Variants in IGSF10 observed in about 807,000 individuals in gnomAD.
IGSF10 encodes the protein calvaria mechanical force protein 608.
Under a neutral mutation model 128.2 loss-of-function variants are expected in IGSF10, and 126 were observed. The ratio of observed to expected loss-of-function variants is 0.98; its 90% confidence interval spans 0.85 to 1.14. The LOEUF (loss-of-function observed/expected upper bound fraction) is 1.14. Among genes scored for constraint, IGSF10 ranks in the 50% most tolerant of loss-of-function variants. IGSF10 has a pLI of 0.00. For missense variants in IGSF10, 3,295 were observed against 3,149.8 expected, an observed-to-expected ratio of 1.05 and a Z score of -1.10; for synonymous variants, 1,185 against 1,146.2, an observed-to-expected ratio of 1.03 and a Z score of -0.68.
the IGSF10 span, among the ~76,000 whole-genome samples, chr3:151,544,172 G>A: frequency 1.2e-4 from 19 of 152,150 alleles, no homozygotes; most frequent in Non-Finnish European, 2.4e-4. Context: ...GCCTCCCAAA[G>A]TGCTGGGATT....
chr3:151,525,353 C>A, the IGSF10 span, among the ~76,000 whole-genome samples: 1 of 152,086 alleles, frequency 6.6e-6, no homozygotes, highest in Non-Finnish European at 1.5e-5. Context: ...ATTCAGGTAG[C>A]CACAAAAAAT....
At chr3:151,480,735 C>T in the IGSF10 span, among the ~76,000 whole-genome samples, 1 of 152,048 alleles carries the variant, frequency 6.6e-6, no homozygotes, top group East Asian at 1.9e-4. Flanking sequence ...CAAGCTCCTG[C>T]AGAGCCACCC....
At chr3:151,501,418 A>G in the IGSF10 span, among the ~76,000 whole-genome samples, 1 of 150,020 alleles carries the variant, frequency 6.7e-6, no homozygotes, top group Non-Finnish European at 1.5e-5. Flanking sequence ...AAAGGACAAT[A>G]TATTGAAAAT....
rs147128845 is a variant in IGSF10 at position 151,443,094 on chromosome 3, A to T, written c.5853T>A (p.Thr1951=). The T allele has an allele frequency of 3.7e-6, 6 of 1,614,108 alleles. No homozygotes were observed. The African/African-American group carries it at 6.7e-5, about 18-fold the overall frequency. Residue 1951 remains threonine, a synonymous_variant, in exon 7 of 8, where the codon ACT becomes ACA. Coordinates refer to ENST00000282466, the MANE Select transcript of IGSF10 (RefSeq NM_178822.5). ...PRIEAASQKR[T]EVNFGDKLLL... ...GTAATTTGTCCCCAAAATTCACTTC[A>T]GTCCTTTTCTGGGATGCAGCTTCTA...
the IGSF10 span, among the ~76,000 whole-genome samples, chr3:151,567,110 C>A: frequency 6.6e-6 from 1 of 152,132 alleles, no homozygotes; most frequent in Admixed American, 6.5e-5. Flanking sequence ...GACTTGGGCC[C>A]TGGGCATTTT....
rs771272861 is a variant in IGSF10 at position 151,437,094 on chromosome 3, G to T, written c.7467C>A (p.Gly2489=). 1 of 1,614,138 alleles carries T rather than the reference G, an allele frequency of 6.2e-7. No homozygotes were observed. Among genetic ancestry groups the T allele is most frequent in the East Asian group, 2.2e-5 (1 of 44,896 alleles). ...INGKYILHDN[G]TLVIKEATAY... The stretch of plus-strand genomic sequence containing the variant: ...CTGTTGCTTCTTTAATGACTAAGGT[G>T]CCATTGTCATGCAATATGTATTTCC... The change falls in exon 8 of 8, where the codon GGC becomes GGA. Residue 2489 remains glycine, a synonymous_variant. Transcript: ENST00000282466.
the IGSF10 span, among the ~76,000 whole-genome samples, chr3:151,525,636 T>C: frequency 1.3e-5 from 2 of 152,196 alleles, no homozygotes; most frequent in African/African-American, 2.4e-5. Flanking sequence ...ATTCAGTTCC[T>C]TGTGACTGTA....
At chr3:151,444,876 G>T in intron 6 of IGSF10, 43 bp downstream of exon 6, 1 of 1,506,164 alleles carries the variant, frequency 6.6e-7, no homozygotes, top group Non-Finnish European at 8.9e-7. Context: ...TCTTCTTCTT[G>T]TTTTCTAACA....
Position 151,446,121 on chromosome 3 carries a change from T to A in IGSF10, c.3860A>T (p.Lys1287Met). Residue 1287 changes from lysine to methionine, a missense_variant, in exon 6 of 8, where the codon AAG becomes ATG. By Grantham distance (95) the Lys-to-Met change is moderately conservative. Transcript: ENST00000282466. Reference sequence around the variant, plus strand: ...GTTAAGGGGTGGGAAGGGAAGCTCCTTCTTTGTTGGAAGACTTCCAGGATT... The same window carrying A: ...GTTAAGGGGTGGGAAGGGAAGCTCCATCTTTGTTGGAAGACTTCCAGGATT... ...THNPGSLPTK[K>M]ELPFPPLNPM... 6.2e-7 allele frequency: 1 copy of A among 1,614,164 alleles called. No individual in the cohort carries two copies. Among genetic ancestry groups the A allele is most frequent in the Non-Finnish European group, 8.5e-7 (1 of 1,180,026 alleles).
chr3:151,565,588 G>T, the IGSF10 span, among the ~76,000 whole-genome samples: 1 of 151,978 alleles, frequency 6.6e-6, no homozygotes, highest in African/African-American at 2.4e-5. Context: ...CTGTTCCAGG[G>T]GTTCAAAACT....
upstream of IGSF10, among the ~76,000 whole-genome samples, chr3:151,463,523 GTTTTTTTTTTTTTTTTTTT>G (rs745415781): frequency 1.3e-4 from 4 of 31,272 alleles, no homozygotes; most frequent in East Asian, 6.4e-4. Context: ...ACATTTTCTG[GTTTTTTTTTTTTTTTTTTT>G]TTTTTTTTTT....
At chr3:151,501,355 T>A in the IGSF10 span, among the ~76,000 whole-genome samples, 1 of 152,058 alleles carries the variant, frequency 6.6e-6, no homozygotes, top group East Asian at 1.9e-4. Context: ...TCTCTGAATC[T>A]TTTTTATATG....
chr3:151,484,017 A>AC, the IGSF10 span, among the ~76,000 whole-genome samples: 1 of 152,124 alleles, frequency 6.6e-6, no homozygotes, highest in Non-Finnish European at 1.5e-5. Flanking sequence ...AGCGGGTCCC[A>AC]CCTCCACGGA....
Position 151,448,150 on chromosome 3 carries a change from C to A in IGSF10, c.1831G>T (p.Gly611Ter). 6.2e-7 allele frequency: 1 copy of A among 1,614,124 alleles called. No homozygotes were observed. The highest frequency in any genetic ancestry group is 8.5e-7 in the Non-Finnish European group (1 of 1,180,012). The change falls in exon 6 of 8, where the codon GGA (glycine) becomes TGA (stop). Residue 611 changes from glycine (G) to a stop codon, truncating the protein, a stop_gained. Transcript: ENST00000282466. LOFTEE classifies it high-confidence loss of function. ...GATGACTGATAGAGCACATTGTTTC[C>A]TGGAATAACCCAGCTAATAGAGGCA... ...PDASISWVIPGNNVLYQSSRD... is the reference protein window; with the variant it reads ...PDASISWVIP
chr3:151,572,808 T>C, the IGSF10 span, among the ~76,000 whole-genome samples: 1 of 152,224 alleles, frequency 6.6e-6, no homozygotes, highest in Non-Finnish European at 1.5e-5. Context: ...TTAATTATGA[T>C]GTTAGGGTAT....
chr3:151,566,159 A>G, the IGSF10 span, among the ~76,000 whole-genome samples: 2 of 152,032 alleles, frequency 1.3e-5, no homozygotes, highest in African/African-American at 4.8e-5. Context: ...TTTGGATTAG[A>G]ATGGGAGGTA....
chr3:151,609,811 G>A, the IGSF10 span, among the ~76,000 whole-genome samples: 1 of 152,052 alleles, frequency 6.6e-6, no homozygotes, highest in Non-Finnish European at 1.5e-5. Context: ...ACACAAAGAT[G>A]GAAACAGTAG....
At chr3:151,587,672 C>G in the IGSF10 span, among the ~76,000 whole-genome samples, 2 of 152,184 alleles carry the variant, frequency 1.3e-5, no homozygotes, top group Non-Finnish European at 2.9e-5. Context: ...TGTCCCCACC[C>G]AAATCTCATT....
chr3:151,461,730 T>C (rs992455395), upstream of IGSF10, among the ~76,000 whole-genome samples: 2 of 152,214 alleles, frequency 1.3e-5, no homozygotes, highest in Admixed American at 1.3e-4. Context: ...CATTTTTCCA[T>C]TTCCTTTCTC....
Sources: gnomAD v4.1 joint callset for allele counts (sites outside exome capture counted in the v4.1 genomes callset) on GRCh38, gnomAD v4.1.1 for gene constraint, MANE v1.5 for transcripts, NCBI Gene and HGNC (gene_info 2026-07-23, HGNC 2026-07-21) for gene names.